CALD1: variants seen among roughly 807,000 people sequenced by gnomAD.
The protein encoded by CALD1 is caldesmon 1, also known as caldesmon.
In CALD1, 33 loss-of-function variants were observed where a neutral mutation model predicts 99.9. That is an observed-to-expected ratio of 0.33 (90% CI 0.25 to 0.44). The LOEUF is 0.44. CALD1 is among the 20% of genes least tolerant of loss of function. CALD1 has a pLI of 1.00. For missense variants in CALD1, 861 were observed against 962.1 expected (o/e 0.89, Z 1.39); for synonymous variants, 310 against 325.0 (o/e 0.95, Z 0.50).
In CALD1 at chr7:134,862,236, G is replaced by A. The variant is rs1015254425; in HGVS notation, c.-41-5457G>A. 2.6e-5 allele frequency among the ~76,000 whole-genome samples: 4 copies of A among 152,160 alleles called. 1 individual carries two copies. Among genetic ancestry groups the A allele is most frequent in the Admixed American group, 2.0e-4 (3 of 15,270 alleles). ...TTTGGGGCACTCTTGTTTGTTCCCT[G>A]AAATGGGAAACAAATCCTAGAGAGA... On this transcript the variant is annotated intron_variant, in intron 2 of 14. Coordinates refer to ENST00000361675, the MANE Select transcript of CALD1 (RefSeq NM_033138.4).
intron 1 of CALD1, among the ~76,000 whole-genome samples, chr7:134,801,771 A>G (rs908395270): frequency 7.1e-6 from 1 of 140,198 alleles, no homozygotes; most frequent in African/African-American, 2.7e-5. Context: ...GGCACTCACC[A>G]CTACGCCTGC....
chr7:134,863,640 A>G (rs1800661771), intron 2 of CALD1, among the ~76,000 whole-genome samples: 1 of 152,376 alleles, frequency 6.6e-6, no homozygotes, highest in Admixed American at 6.5e-5. Flanking sequence ...AAGGCATCAC[A>G]GGAAATATCT....
Position 134,937,204 on chromosome 7 carries a change from C to T in CALD1, c.1386+1439C>T, listed in dbSNP as rs190701800. Among the ~76,000 whole-genome samples the T allele has an allele frequency of 5.9e-4, 90 of 152,280 alleles. 1 individual carries two copies. The highest frequency in any genetic ancestry group is 2.1e-3 in the African/African-American group (86 of 41,558). The stretch of plus-strand genomic sequence containing the variant: ...ACTAATTTGTTTTTACTGACCAAAG[C>T]TTTCTATACCTATGTAGAGTGTCTG... On this transcript the variant is annotated intron_variant, in intron 6 of 14. Coordinates refer to ENST00000361675, the MANE Select transcript of CALD1 (RefSeq NM_033138.4).
chr7:134,779,451 C>G (rs1585910793), upstream of CALD1: 2 of 382,198 alleles, frequency 5.2e-6, no homozygotes, highest in Non-Finnish European at 9.2e-6. Flanking sequence ...GAATGACAGG[C>G]ATCTCCACAG....
intron 3 of CALD1, among the ~76,000 whole-genome samples, chr7:134,890,457 T>C (rs1802099903): frequency 1.3e-5 from 2 of 152,184 alleles, no homozygotes; most frequent in Non-Finnish European, 2.9e-5. Context: ...TCTCAATGTG[T>C]GAAGTTGACT....
chr7:134,851,935 T>C (rs998873969), intron 2 of CALD1, among the ~76,000 whole-genome samples: 1 of 152,006 alleles, frequency 6.6e-6, no homozygotes, highest in African/African-American at 2.4e-5. Flanking sequence ...GAACTTGGAG[T>C]CTCAGGCCAG....
chr7:134,917,005 G>T (rs1804257014), intron 3 of CALD1, among the ~76,000 whole-genome samples: 1 of 152,172 alleles, frequency 6.6e-6, no homozygotes, highest in South Asian at 2.1e-4. Context: ...AAATGTCATT[G>T]CATCCAACTT....
chr7:134,859,081 A>G (rs1800447650), intron 2 of CALD1, among the ~76,000 whole-genome samples: 1 of 152,234 alleles, frequency 6.6e-6, no homozygotes, highest in South Asian at 2.1e-4. Flanking sequence ...TGGACAGCAT[A>G]GCCTTAGAAT....
At chr7:134,791,326 A>T (rs1797524683) in intron 1 of CALD1, among the ~76,000 whole-genome samples, 1 of 152,168 alleles carries the variant, frequency 6.6e-6, no homozygotes, top group African/African-American at 2.4e-5. Flanking sequence ...CCTCCTGAGT[A>T]GCTGGGATTA....
chr7:134,884,654 T>C (rs1451756982), intron 3 of CALD1, among the ~76,000 whole-genome samples: 1 of 144,628 alleles, frequency 6.9e-6, no homozygotes, highest in African/African-American at 2.5e-5. Context: ...AAAAGGCCAA[T>C]CTTTAGAAAC....
At chr7:134,851,296 A>G (rs1447722862) in intron 2 of CALD1, among the ~76,000 whole-genome samples, 1 of 152,218 alleles carries the variant, frequency 6.6e-6, no homozygotes, top group Non-Finnish European at 1.5e-5. Context: ...AGTTAGTGGC[A>G]GTTTTATGGC....
upstream of CALD1, among the ~76,000 whole-genome samples, chr7:134,740,201 C>A (rs533271177): frequency 5.3e-5 from 8 of 152,144 alleles, no homozygotes; most frequent in African/African-American, 1.9e-4. Context: ...TTGGACTATT[C>A]TCTTAGCCTC....
intron 1 of CALD1, among the ~76,000 whole-genome samples, chr7:134,808,085 G>A (rs1029279927): frequency 2.0e-5 from 3 of 147,078 alleles, no homozygotes; most frequent in Non-Finnish European, 4.5e-5. Context: ...CATACATTTG[G>A]TAAAGTCCCC....
intron 1 of CALD1, among the ~76,000 whole-genome samples, chr7:134,789,442 A>T (rs894816527): frequency 6.6e-6 from 1 of 152,236 alleles, no homozygotes; most frequent in African/African-American, 2.4e-5. Flanking sequence ...ATTTGAGAAC[A>T]AACTTTGGAG....
At chr7:134,811,490 C>G (rs1347177676) in intron 1 of CALD1, among the ~76,000 whole-genome samples, 1 of 152,170 alleles carries the variant, frequency 6.6e-6, no homozygotes, top group Non-Finnish European at 1.5e-5. Flanking sequence ...CCCTCCCTGT[C>G]CAAAATACAT....
intron 1 of CALD1, among the ~76,000 whole-genome samples, chr7:134,841,240 T>G (rs182423861): frequency 1.3e-5 from 2 of 152,326 alleles, no homozygotes; most frequent in Admixed American, 1.3e-4. Flanking sequence ...TTTATTTAAA[T>G]GACCCAAATT....
At chr7:134,952,300 CAAAAAAAA>C (rs938913305) in intron 9 of CALD1, among the ~76,000 whole-genome samples, 1 of 149,740 alleles carries the variant, frequency 6.7e-6, no homozygotes, top group African/African-American at 2.5e-5. Flanking sequence ...GACCCTATCC[CAAAAAAAA>C]GAAAAAAAGA....
intron 3 of CALD1, among the ~76,000 whole-genome samples, chr7:134,907,349 A>G (rs938972242): frequency 2.0e-5 from 3 of 152,126 alleles, no homozygotes; most frequent in African/African-American, 7.2e-5. Context: ...ATAGTAGAGA[A>G]AGTAGCCCTG....
intron 1 of CALD1, among the ~76,000 whole-genome samples, chr7:134,786,964 G>A (rs1033288336): frequency 1.3e-5 from 2 of 152,196 alleles, no homozygotes; most frequent in African/African-American, 4.8e-5. Flanking sequence ...AGGTCTAGAA[G>A]GGGGTCCAGG....
Sources: allele counts gnomAD v4.1 joint callset (sites outside exome capture counted in the v4.1 genomes callset), GRCh38; gene constraint gnomAD v4.1.1; transcripts MANE v1.5; gene names NCBI Gene and HGNC (gene_info 2026-07-23, HGNC 2026-07-21).